The following HCRTR2 variants were observed in gnomAD, a reference collection of about 807,000 sequenced individuals.
HCRTR2 encodes orexin receptor type 2.
In HCRTR2, 22 loss-of-function variants were observed where a neutral mutation model predicts 49.0. The ratio of observed to expected loss-of-function variants is 0.45; its 90% CI spans 0.32 to 0.64. The LOEUF (loss-of-function observed/expected upper bound fraction) is 0.64, where lower values mean the gene tolerates loss of function less well. Ranked by LOEUF, HCRTR2 falls within the 30% of genes least tolerant of loss-of-function variation. The pLI, the probability that HCRTR2 is intolerant of heterozygous loss-of-function variation, is 0.04. For missense variants in HCRTR2, 491 were observed against 559.4 expected (o/e 0.88, Z 1.23); for synonymous variants, 236 against 205.3 (o/e 1.15, Z -1.28).
intron 1 of HCRTR2, among the ~76,000 whole-genome samples, chr6:55,195,991 C>A (rs548482024): frequency 2.0e-5 from 3 of 151,920 alleles, no homozygotes; most frequent in Non-Finnish European, 4.4e-5. Context: ...ACAACAACAA[C>A]AACAACAAAA....
intron 1 of HCRTR2, among the ~76,000 whole-genome samples, chr6:55,161,787 A>G (rs1764809438): frequency 6.6e-6 from 1 of 152,208 alleles, no homozygotes; most frequent in African/African-American, 2.4e-5. Context: ...AACCAGGAAG[A>G]AGTCAAATCC....
chr6:55,278,749 A>G (rs1313395552), intron 5 of HCRTR2, among the ~76,000 whole-genome samples: 1 of 146,316 alleles, frequency 6.8e-6, no homozygotes, highest in African/African-American at 2.5e-5. Flanking sequence ...TATTATTATT[A>G]TTATTATTTT....
At chr6:55,174,382 A>T (rs1035931807), upstream of HCRTR2, 2 of 606,068 alleles carry the variant, frequency 3.3e-6, no homozygotes, top group African/African-American at 3.7e-5. Context: ...CCGGTGCAAC[A>T]TCGCCTGTAA....
chr6:55,217,616 G>C (rs565433077), intron 1 of HCRTR2, among the ~76,000 whole-genome samples: 1 of 152,096 alleles, frequency 6.6e-6, no homozygotes, highest in Non-Finnish European at 1.5e-5. Flanking sequence ...CTGATACCTT[G>C]TTCCCCCTTT....
intron 1 of HCRTR2, among the ~76,000 whole-genome samples, chr6:55,160,153 A>G (rs1261930304): frequency 6.6e-6 from 1 of 152,224 alleles, no homozygotes; most frequent in East Asian, 1.9e-4. Flanking sequence ...CAGAAACCCT[A>G]CAAGCCAGAA....
chr6:55,208,452 A>T (rs555668074), intron 1 of HCRTR2, among the ~76,000 whole-genome samples: 1 of 151,946 alleles, frequency 6.6e-6, no homozygotes, highest in African/African-American at 2.4e-5. Context: ...AGATTACACC[A>T]TTGCACTCCA....
At chr6:55,112,175 A>G (rs544596611) in intron 1 of HCRTR2, among the ~76,000 whole-genome samples, 44 of 152,200 alleles carry the variant, frequency 2.9e-4, no homozygotes, top group Non-Finnish European at 4.4e-5. Flanking sequence ...TGACAAATGC[A>G]CAGTCAACAT....
intron 1 of HCRTR2, among the ~76,000 whole-genome samples, chr6:55,186,119 A>G (rs895851376): frequency 2.6e-5 from 4 of 152,204 alleles, no homozygotes; most frequent in Non-Finnish European, 4.4e-5. Flanking sequence ...CCCTTAAGTA[A>G]AAGGTAAGCT....
chr6:55,190,937 T>C (rs1462251174), intron 1 of HCRTR2, among the ~76,000 whole-genome samples: 2 of 152,140 alleles, frequency 1.3e-5, no homozygotes, highest in African/African-American at 4.8e-5. Flanking sequence ...CCTGTTATAT[T>C]TGATGGAGGC....
At chr6:55,175,933 T>A (rs912195380) in intron 1 of HCRTR2, among the ~76,000 whole-genome samples, 3 of 151,918 alleles carry the variant, frequency 2.0e-5, no homozygotes, top group East Asian at 1.9e-4. Flanking sequence ...TGACAGGAGA[T>A]GGAGGAGGCT....
chr6:55,254,110 A>C (rs1406209794), intron 2 of HCRTR2, among the ~76,000 whole-genome samples: 3 of 152,194 alleles, frequency 2.0e-5, no homozygotes, highest in Admixed American at 6.6e-5. Flanking sequence ...CAGTTGTGAA[A>C]AAAACAGAAG....
At chr6:55,168,007 C>T (rs1764900928) in intron 1 of HCRTR2, among the ~76,000 whole-genome samples, 1 of 152,120 alleles carries the variant, frequency 6.6e-6, no homozygotes, top group Non-Finnish European at 1.5e-5. Context: ...AAAGGCGGCA[C>T]ATATGTATAT....
intron 1 of HCRTR2, among the ~76,000 whole-genome samples, chr6:55,178,123 G>A (rs1025439309): frequency 2.6e-5 from 4 of 152,028 alleles, no homozygotes; most frequent in Non-Finnish European, 4.4e-5. Flanking sequence ...GAGCCTCTGG[G>A]GAAATGTAAA....
chr6:55,204,014 T>C (rs923013483), intron 1 of HCRTR2, among the ~76,000 whole-genome samples: 1 of 152,202 alleles, frequency 6.6e-6, no homozygotes. Context: ...TCAGATCTTA[T>C]ATTGATCTTA....
intron 1 of HCRTR2, among the ~76,000 whole-genome samples, chr6:55,234,243 T>C (rs971324794): frequency 3.3e-5 from 5 of 152,174 alleles, no homozygotes; most frequent in Admixed American, 6.5e-5. Flanking sequence ...CTAGGTCATA[T>C]AAATTTTACA....
intron 1 of HCRTR2, among the ~76,000 whole-genome samples, chr6:55,116,025 T>G (rs1764111308): frequency 6.6e-6 from 1 of 151,858 alleles, no homozygotes. Context: ...TCTTGTAGCC[T>G]CATGGGATTT....
chr6:55,178,619 A>G (rs1332482298), intron 1 of HCRTR2, among the ~76,000 whole-genome samples: 1 of 152,154 alleles, frequency 6.6e-6, no homozygotes. Flanking sequence ...TTCTGCCTTC[A>G]TGGGCCAGTC....
intron 1 of HCRTR2, among the ~76,000 whole-genome samples, chr6:55,220,872 C>A (rs889437687): frequency 1.3e-5 from 2 of 151,932 alleles, no homozygotes; most frequent in Non-Finnish European, 2.9e-5. Context: ...AACATAAAAT[C>A]GAAATGCAAA....
intron 1 of HCRTR2, among the ~76,000 whole-genome samples, chr6:55,138,974 T>G (rs187228408): frequency 6.6e-6 from 1 of 151,748 alleles, no homozygotes; most frequent in Non-Finnish European, 1.5e-5. Flanking sequence ...CTCTGAGGAG[T>G]TGGTAGTAAG....
Sources: allele counts gnomAD v4.1 joint callset (sites outside exome capture counted in the v4.1 genomes callset), GRCh38; gene constraint gnomAD v4.1.1; transcripts MANE v1.5; gene names NCBI Gene and HGNC (gene_info 2026-07-23, HGNC 2026-07-21).